Variants in SPAG9 observed in about 807,000 individuals in gnomAD.
SPAG9 encodes the protein sperm associated antigen 9.
A neutral mutation model predicts 166.5 loss-of-function variants in SPAG9; 35 were observed. That is an observed-to-expected ratio of 0.21 (90% CI 0.16 to 0.28). The LOEUF is 0.28. Among genes scored for constraint, SPAG9 ranks in the 10% least tolerant of loss-of-function variants. SPAG9 has a pLI of 1.00. For missense variants in SPAG9, 1,235 were observed against 1,603.3 expected, an observed-to-expected ratio of 0.77 and a Z score of 3.92; for synonymous variants, 534 against 565.5, an observed-to-expected ratio of 0.94 and a Z score of 0.79.
intron 1 of SPAG9, among the ~76,000 whole-genome samples, chr17:51,116,995 A>C: frequency 6.6e-6 from 1 of 152,132 alleles, no homozygotes; most frequent in East Asian, 1.9e-4. Flanking sequence ...GGCAGCCCAA[A>C]GGAGAGAGTG....
chr17:51,011,260 C>T (rs1275423179), intron 9 of SPAG9, among the ~76,000 whole-genome samples: 2 of 149,852 alleles, frequency 1.3e-5, no homozygotes, highest in East Asian at 2.0e-4. Flanking sequence ...CTAGGAGTTC[C>T]AGGACAGCCT....
chr17:50,998,159 G>A (rs1169178764), intron 15 of SPAG9, among the ~76,000 whole-genome samples: 1 of 148,900 alleles, frequency 6.7e-6, no homozygotes, highest in African/African-American at 2.5e-5. Flanking sequence ...AGCCTCCCAA[G>A]TAGCTGTGAT....
intron 4 of SPAG9, chr17:51,042,472 T>C (rs1188132644): frequency 6.6e-6 from 1 of 152,186 alleles, no homozygotes; most frequent in African/African-American, 2.4e-5. Context: ...CGGGTCATCC[T>C]GGGTCATTAA....
chr17:51,035,186 T>C (rs982188079), intron 5 of SPAG9, among the ~76,000 whole-genome samples: 1 of 152,104 alleles, frequency 6.6e-6, no homozygotes, highest in South Asian at 2.1e-4. Flanking sequence ...GATCCTGGGC[T>C]GGATTCTGGA....
intron 11 of SPAG9, 100 bp from the exon 12 acceptor site, chr17:51,005,363 T>A: frequency 9.0e-7 from 1 of 1,113,696 alleles, no homozygotes; most frequent in Non-Finnish European, 1.3e-6. Context: ...ACTAAAGGAT[T>A]ATTTTTCTTT....
intron 5 of SPAG9, among the ~76,000 whole-genome samples, chr17:51,039,997 G>A: frequency 6.6e-6 from 1 of 152,146 alleles, no homozygotes; most frequent in East Asian, 1.9e-4. Context: ...CACTTTGGGA[G>A]GCTGAGGCGG....
intron 4 of SPAG9, among the ~76,000 whole-genome samples, chr17:51,042,953 C>A (rs1216198878): frequency 6.6e-6 from 1 of 152,210 alleles, no homozygotes. Flanking sequence ...TACAGTGGGA[C>A]GATCTCGGCT....
At position 51,048,853 on chromosome 17, in the gene SPAG9, T is replaced by C. The variant is rs565498076; in HGVS notation, c.496-1384A>G. Among the ~76,000 whole-genome samples the C allele has an allele frequency of 2.1e-3, 315 of 152,268 alleles. 1 individual carries two copies. The highest frequency in any genetic ancestry group is 7.1e-3 in the African/African-American group (297 of 41,552). ...GAATGAAAACAGAATCACATGAATA[T>C]AGTATCTTAAAATTTTTTAATTGAC... is the stretch of plus-strand genomic sequence containing the variant. On this transcript the variant is annotated intron_variant, in intron 3 of 29. Transcript: ENST00000262013.
chr17:51,116,202 C>T (rs2049283678), intron 1 of SPAG9, among the ~76,000 whole-genome samples: 1 of 152,126 alleles, frequency 6.6e-6, no homozygotes, highest in Non-Finnish European at 1.5e-5. Context: ...CCCACCACCA[C>T]ACCCAGATAA....
At position 51,056,501 on chromosome 17, in the gene SPAG9, C is replaced by T. The variant is rs748915889; in HGVS notation, c.425-19G>A. The T allele has an allele frequency of 1.2e-5, 18 of 1,492,182 alleles. No individual in the cohort carries two copies. Among genetic ancestry groups the T allele is most frequent in the African/African-American group, 2.8e-5 (2 of 72,494 alleles). The allele number at this position is 1,492,182 out of a possible 1,614,324, so 92.4% of individuals were successfully genotyped here. Reference sequence around the variant, plus strand: ...CTGCTAACTGAAATTAAGATACATACACTTGATCAAAACAAAATAAGAAAT... The same window carrying T: ...CTGCTAACTGAAATTAAGATACATATACTTGATCAAAACAAAATAAGAAAT... On this transcript the variant is annotated intron_variant, in intron 2 of 29. Coordinates refer to ENST00000262013, the MANE Select transcript of SPAG9 (RefSeq NM_001130528.3).
At chr17:51,052,705 A>C (rs1658400708) in intron 3 of SPAG9, among the ~76,000 whole-genome samples, 1 of 152,020 alleles carries the variant, frequency 6.6e-6, no homozygotes, top group Non-Finnish European at 1.5e-5. Flanking sequence ...GCGTATCTTC[A>C]CCTTTATTAA....
At chr17:51,023,241 A>C (rs1264270498) in intron 6 of SPAG9, 1 of 147,994 alleles carries the variant, frequency 6.8e-6, no homozygotes, top group African/African-American at 2.4e-5. Flanking sequence ...ATAATTTATA[A>C]CTATTATAAT....
intron 5 of SPAG9, among the ~76,000 whole-genome samples, chr17:51,035,176 G>A (rs1486816254): frequency 6.6e-6 from 1 of 152,112 alleles, no homozygotes; most frequent in Non-Finnish European, 1.5e-5. Context: ...AGCAATATGG[G>A]ATCCTGGGCT....
chr17:50,968,013 G>A (rs562474618), intron 29 of SPAG9, among the ~76,000 whole-genome samples: 2 of 152,310 alleles, frequency 1.3e-5, no homozygotes, highest in African/African-American at 2.4e-5. Flanking sequence ...AAACTCCTCA[G>A]TACGGTTCCA....
At chr17:51,055,849 T>G (rs1031127671) in intron 3 of SPAG9, among the ~76,000 whole-genome samples, 1 of 152,138 alleles carries the variant, frequency 6.6e-6, no homozygotes, top group Non-Finnish European at 1.5e-5. Flanking sequence ...TAAAAAACCC[T>G]CAAGTACATT....
intron 7 of SPAG9, 95 bp downstream of exon 7, chr17:51,021,063 A>G: frequency 9.9e-7 from 1 of 1,013,172 alleles, no homozygotes; most frequent in South Asian, 1.4e-5. Context: ...ATAAATACAA[A>G]GCAGGCAACA....
chr17:51,006,944 A>T (rs1438838178), intron 10 of SPAG9, among the ~76,000 whole-genome samples: 7 of 152,222 alleles, frequency 4.6e-5, no homozygotes, highest in Admixed American at 4.6e-4. Flanking sequence ...AAAACAGACA[A>T]ATGTTAAGGG....
chr17:51,054,802 A>G (rs1315410178), intron 3 of SPAG9, among the ~76,000 whole-genome samples: 2 of 152,064 alleles, frequency 1.3e-5, no homozygotes, highest in African/African-American at 4.8e-5. Context: ...CCTGAGCTCT[A>G]TGGTTCAAGC....
intron 4 of SPAG9, chr17:51,046,430 A>C: frequency 9.2e-7 from 1 of 1,084,482 alleles, no homozygotes; most frequent in African/African-American, 1.6e-5. Context: ...ATTGTTACAA[A>C]GCAGACCCGT....
Sources: allele counts gnomAD v4.1 joint callset (sites outside exome capture counted in the v4.1 genomes callset), GRCh38; gene constraint gnomAD v4.1.1; transcripts MANE v1.5; gene names NCBI Gene and HGNC (gene_info 2026-07-23, HGNC 2026-07-21).